GNA14: variants seen among roughly 807,000 people sequenced by gnomAD.
GNA14 encodes the protein G protein subunit alpha 14, also known as guanine nucleotide-binding protein subunit alpha-14.
GNA14 carries 50 observed loss-of-function variants against 42.0 expected under a neutral mutation model. That is an observed-to-expected ratio of 1.19 (90% CI 0.95 to 1.51). GNA14 has a LOEUF of 1.51. Ranked by LOEUF, GNA14 falls within the 40% of genes most tolerant of loss-of-function variation. GNA14 has a pLI of 0.00. For synonymous variants in GNA14, 173 were observed against 163.1 expected (o/e 1.06, Z -0.46); for missense variants, 473 against 446.2 (o/e 1.06, Z -0.54).
intron 1 of GNA14, among the ~76,000 whole-genome samples, chr9:77,579,665 T>C (rs774555478): frequency 6.6e-6 from 1 of 152,122 alleles, no homozygotes; most frequent in African/African-American, 2.4e-5. Flanking sequence ...TCCCCCCATA[T>C]AGACATTTCA....
At chr9:77,553,649 T>C (rs1416101278) in intron 1 of GNA14, among the ~76,000 whole-genome samples, 6 of 152,060 alleles carry the variant, frequency 3.9e-5, no homozygotes, top group Non-Finnish European at 8.8e-5. Flanking sequence ...AATCCAGTGT[T>C]AATGGGCATA....
In GNA14 at chr9:77,533,268, C is replaced by A. The variant is rs1268471673; in HGVS notation, c.125-4015G>T. On this transcript the variant is annotated intron_variant, in intron 1 of 6. Coordinates refer to ENST00000341700, the MANE Select transcript of GNA14 (RefSeq NM_004297.4). ...CTCAGCTCACTGCATGTAACCTCCG[C>A]CTCTGGGTTCAAGCAATTCTCGTGC... 4.6e-5 allele frequency among the ~76,000 whole-genome samples: 7 copies of A among 152,320 alleles called. No homozygotes were observed. The East Asian group carries it at 1.4e-3, about 29-fold the overall frequency.
intron 2 of GNA14, among the ~76,000 whole-genome samples, chr9:77,498,328 G>A (rs375711881): frequency 2.3e-4 from 30 of 128,282 alleles, no homozygotes; most frequent in African/African-American, 7.8e-4. Context: ...AGCCGAGATC[G>A]CACCATTGCA....
At chr9:77,516,762 A>G (rs1249437691) in intron 2 of GNA14, among the ~76,000 whole-genome samples, 2 of 152,144 alleles carry the variant, frequency 1.3e-5, no homozygotes, top group Non-Finnish European at 2.9e-5. Context: ...AATGTAACAC[A>G]GGTCTTGACC....
At chr9:77,546,589 A>G (rs1290765550) in intron 1 of GNA14, among the ~76,000 whole-genome samples, 1 of 152,172 alleles carries the variant, frequency 6.6e-6, no homozygotes, top group Non-Finnish European at 1.5e-5. Flanking sequence ...GGGAAAGGTC[A>G]ATCCCCCAGA....
chr9:77,466,813 G>A (rs1554689787), intron 2 of GNA14, among the ~76,000 whole-genome samples: 1 of 152,078 alleles, frequency 6.6e-6, no homozygotes, highest in Non-Finnish European at 1.5e-5. Context: ...TTCGTTTAGG[G>A]ACTCTGTGTG....
chr9:77,439,396 T>C (rs1835689416), intron 2 of GNA14, among the ~76,000 whole-genome samples: 1 of 152,208 alleles, frequency 6.6e-6, no homozygotes, highest in African/African-American at 2.4e-5. Flanking sequence ...CCCACCACTT[T>C]GGGAGGCCAA....
chr9:77,513,507 C>T (rs1837202304), intron 2 of GNA14, among the ~76,000 whole-genome samples: 1 of 152,228 alleles, frequency 6.6e-6, no homozygotes, highest in South Asian at 2.1e-4. Context: ...CATTTTAGCG[C>T]CCAGAAGTAT....
intron 1 of GNA14, among the ~76,000 whole-genome samples, chr9:77,577,884 T>C (rs1487657501): frequency 6.6e-6 from 1 of 152,112 alleles, no homozygotes; most frequent in Non-Finnish European, 1.5e-5. Flanking sequence ...TAAGAGTTAG[T>C]ATTACTGCAG....
chr9:77,595,124 C>T (rs369505385), intron 1 of GNA14, among the ~76,000 whole-genome samples: 10 of 152,192 alleles, frequency 6.6e-5, no homozygotes, highest in Admixed American at 6.5e-4. Flanking sequence ...GTCTCAAGCT[C>T]ATCTTAGACT....
At chr9:77,590,916 T>A (rs949249290) in intron 1 of GNA14, among the ~76,000 whole-genome samples, 5 of 152,150 alleles carry the variant, frequency 3.3e-5, no homozygotes, top group Admixed American at 3.3e-4. Flanking sequence ...ATTTTAAAAT[T>A]GCTATTACCA....
At chr9:77,499,144 A>G (rs1342195131) in intron 2 of GNA14, among the ~76,000 whole-genome samples, 1 of 152,220 alleles carries the variant, frequency 6.6e-6, no homozygotes, top group Non-Finnish European at 1.5e-5. Flanking sequence ...TAATTTAGCC[A>G]TGTGGTTCCT....
At chr9:77,581,469 A>C (rs571576649) in intron 1 of GNA14, among the ~76,000 whole-genome samples, 65 of 152,318 alleles carry the variant, frequency 4.3e-4, no homozygotes, top group African/African-American at 1.5e-3. Flanking sequence ...AACGTGAGTC[A>C]ATGTACCTGG....
intron 1 of GNA14, among the ~76,000 whole-genome samples, chr9:77,568,467 G>A (rs983177146): frequency 4.0e-5 from 6 of 149,168 alleles, no homozygotes; most frequent in African/African-American, 1.5e-4. Flanking sequence ...ACTCCAGCCT[G>A]GGTGACAGAG....
intron 1 of GNA14, among the ~76,000 whole-genome samples, chr9:77,568,925 A>G (rs1302124689): frequency 6.6e-6 from 1 of 152,134 alleles, no homozygotes; most frequent in Non-Finnish European, 1.5e-5. Flanking sequence ...TTGGAAAGAG[A>G]CTGTCATGCC....
intron 1 of GNA14, among the ~76,000 whole-genome samples, chr9:77,574,641 T>C (rs1457210919): frequency 6.6e-6 from 1 of 152,224 alleles, no homozygotes; most frequent in Non-Finnish European, 1.5e-5. Context: ...TATTTGTTCA[T>C]CTTTGAGAGG....
chr9:77,638,721 TC>T (rs1319769956), intron 1 of GNA14, among the ~76,000 whole-genome samples: 1 of 152,158 alleles, frequency 6.6e-6, no homozygotes, highest in Non-Finnish European at 1.5e-5. Context: ...ATAATATAAA[TC>T]TAAGTTTTTA....
chr9:77,490,747 T>A (rs1836758056), intron 2 of GNA14, among the ~76,000 whole-genome samples: 1 of 152,190 alleles, frequency 6.6e-6, no homozygotes, highest in Admixed American at 6.5e-5. Flanking sequence ...CAGCCCCGGT[T>A]CCTGCTCACG....
At chr9:77,562,560 G>A (rs1822900588) in intron 1 of GNA14, among the ~76,000 whole-genome samples, 1 of 152,120 alleles carries the variant, frequency 6.6e-6, no homozygotes, top group Non-Finnish European at 1.5e-5. Flanking sequence ...TGGTAAAGAG[G>A]AAGTGGTTTC....
Sources: gnomAD v4.1 joint callset for allele counts (sites outside exome capture counted in the v4.1 genomes callset) on GRCh38, gnomAD v4.1.1 for gene constraint, MANE v1.5 for transcripts, NCBI Gene and HGNC (gene_info 2026-07-23, HGNC 2026-07-21) for gene names.